Variants in CRACDL observed in about 807,000 individuals in gnomAD.
The protein encoded by CRACDL is CRACD-like protein.
Under a neutral mutation model 70.6 loss-of-function variants are expected in CRACDL, and 26 were observed. That is an observed-to-expected ratio of 0.37 (90% CI 0.27 to 0.51). The LOEUF is 0.51. CRACDL is among the 20% of genes least tolerant of loss of function. The pLI, the probability that CRACDL is intolerant of heterozygous loss-of-function variation, is 0.94. For synonymous variants in CRACDL, 618 were observed against 615.2 expected (o/e 1.00, Z -0.07); for missense variants, 1,283 against 1,376.9 (o/e 0.93, Z 1.08).
intron 1 of CRACDL, among the ~76,000 whole-genome samples, chr2:98,881,588 C>T (rs2104616665): frequency 6.6e-6 from 1 of 152,318 alleles, no homozygotes; most frequent in East Asian, 1.9e-4. Context: ...AACCACGGTT[C>T]TAGAGGTGTA....
intron 1 of CRACDL, among the ~76,000 whole-genome samples, chr2:98,877,949 CTT>C (rs35403434): frequency 1.4e-4 from 20 of 138,404 alleles, no homozygotes; most frequent in African/African-American, 3.4e-4. Flanking sequence ...CATTTTTAAT[CTT>C]TTTTTTTTTT....
chr2:98,888,928 G>T (rs2104630353), intron 1 of CRACDL, among the ~76,000 whole-genome samples: 1 of 152,238 alleles, frequency 6.6e-6, no homozygotes, highest in South Asian at 2.1e-4. Flanking sequence ...AGGAGATTGA[G>T]ACCATCCTGG....
intron 1 of CRACDL, among the ~76,000 whole-genome samples, chr2:98,871,733 G>A (rs1453181345): frequency 6.6e-6 from 1 of 152,220 alleles, no homozygotes; most frequent in Non-Finnish European, 1.5e-5. Context: ...ACCAGTAGGA[G>A]ACATAGGCAG....
At chr2:98,867,410 A>G (rs12328520) in intron 1 of CRACDL, among the ~76,000 whole-genome samples, 264 of 152,324 alleles carry the variant, frequency 1.7e-3, no homozygotes, top group African/African-American at 6.0e-3. Flanking sequence ...ACCCCTGAAT[A>G]CAATTCATGT....
At chr2:98,808,268 C>T (rs1704403607) in intron 7 of CRACDL, among the ~76,000 whole-genome samples, 1 of 152,152 alleles carries the variant, frequency 6.6e-6, no homozygotes, top group Non-Finnish European at 1.5e-5. Flanking sequence ...TGTCCTAGAG[C>T]CCAGTATCTC....
At chr2:98,903,434 TG>T (rs1708332667) in intron 1 of CRACDL, among the ~76,000 whole-genome samples, 1 of 152,198 alleles carries the variant, frequency 6.6e-6, no homozygotes, top group African/African-American at 2.4e-5. Flanking sequence ...AAACCCATTT[TG>T]TTTCACCCCA....
chr2:98,861,308 C>CCCA (rs1706926028), intron 1 of CRACDL, among the ~76,000 whole-genome samples: 2 of 152,298 alleles, frequency 1.3e-5, no homozygotes, highest in Admixed American at 1.3e-4. Flanking sequence ...GATCATGCCA[C>CCCA]TGCACTCCAG....
intron 1 of CRACDL, among the ~76,000 whole-genome samples, chr2:98,911,864 T>C (rs758164590): frequency 6.6e-5 from 10 of 152,186 alleles, no homozygotes; most frequent in Non-Finnish European, 1.3e-4. Flanking sequence ...GTGTTTCGCA[T>C]ATGGCTACGG....
chr2:98,882,249 T>TCC (rs1334908974), intron 1 of CRACDL, among the ~76,000 whole-genome samples: 2 of 152,196 alleles, frequency 1.3e-5, no homozygotes, highest in South Asian at 2.1e-4. Flanking sequence ...AGGGGACCAC[T>TCC]CCTCCAGCAG....
At chr2:98,873,336 C>T (rs1328993927) in intron 1 of CRACDL, among the ~76,000 whole-genome samples, 7 of 152,250 alleles carry the variant, frequency 4.6e-5, no homozygotes, top group Admixed American at 2.0e-4. Flanking sequence ...CGCTGTAGAA[C>T]TTGAGAGCAA....
chr2:98,844,804 ACCT>A (rs1049646860), intron 2 of CRACDL, among the ~76,000 whole-genome samples: 1 of 152,234 alleles, frequency 6.6e-6, no homozygotes, highest in African/African-American at 2.4e-5. Context: ...AATAGAAGGC[ACCT>A]TCCTTTAGTG....
At chr2:98,930,129 C>G (rs896740987) in intron 1 of CRACDL, among the ~76,000 whole-genome samples, 1 of 152,110 alleles carries the variant, frequency 6.6e-6, no homozygotes, top group Non-Finnish European at 1.5e-5. Flanking sequence ...CTGTGTCTCT[C>G]CAACACGACG....
At chr2:98,906,246 T>C (rs1357125523) in intron 1 of CRACDL, among the ~76,000 whole-genome samples, 1 of 149,968 alleles carries the variant, frequency 6.7e-6, no homozygotes, top group Non-Finnish European at 1.5e-5. Flanking sequence ...GAATTCTTTT[T>C]ATTTTTTCTT....
chr2:98,827,458 A>AT (rs1459843523), intron 5 of CRACDL, among the ~76,000 whole-genome samples: 1 of 151,970 alleles, frequency 6.6e-6, no homozygotes, highest in Non-Finnish European at 1.5e-5. Flanking sequence ...CACCCAGCTA[A>AT]TTTTTGTATT....
chr2:98,895,391 T>C (rs933789270), intron 1 of CRACDL, among the ~76,000 whole-genome samples: 2 of 152,096 alleles, frequency 1.3e-5, no homozygotes, highest in Admixed American at 1.3e-4. Context: ...AGAACTAGGC[T>C]GAAGTTGGAC....
intron 1 of CRACDL, among the ~76,000 whole-genome samples, chr2:98,933,978 T>C (rs994630248): frequency 1.3e-5 from 2 of 152,120 alleles, no homozygotes; most frequent in African/African-American, 4.8e-5. Flanking sequence ...TGTCCTCACA[T>C]GGTGGAAGGG....
intron 1 of CRACDL, among the ~76,000 whole-genome samples, chr2:98,878,071 G>A (rs553042634): frequency 1.1e-4 from 16 of 151,180 alleles, no homozygotes; most frequent in South Asian, 6.3e-4. Flanking sequence ...CTCAGCCTCC[G>A]AAGTAGCTGG....
intron 7 of CRACDL, among the ~76,000 whole-genome samples, chr2:98,806,056 GGCA>G (rs1351432776): frequency 1.3e-5 from 2 of 152,242 alleles, no homozygotes; most frequent in African/African-American, 4.8e-5. Context: ...GTCTCCCAGT[GGCA>G]GCATTTATTT....
intron 1 of CRACDL, among the ~76,000 whole-genome samples, chr2:98,876,515 G>A (rs970767081): frequency 1.2e-4 from 19 of 152,128 alleles, no homozygotes; most frequent in South Asian, 8.3e-4. Context: ...TGTGAACTGC[G>A]CCATGTGAGG....
Sources: allele counts gnomAD v4.1 joint callset (sites outside exome capture counted in the v4.1 genomes callset), GRCh38; gene constraint gnomAD v4.1.1; transcripts MANE v1.5; gene names NCBI Gene and HGNC (gene_info 2026-07-23, HGNC 2026-07-21).